The following TMEM254 variants were observed in gnomAD, a reference collection of about 807,000 sequenced individuals.
The protein encoded by TMEM254 is transmembrane protein C10orf57.
Under a neutral mutation model 13.9 loss-of-function variants are expected in TMEM254, and 16 were observed. The observed-to-expected ratio is 1.15, with a 90% CI of 0.78 to 1.75. The LOEUF is 1.75. Among genes scored for constraint, TMEM254 ranks in the 40% most tolerant of loss-of-function variants. TMEM254 has a pLI of 0.00. For missense variants in TMEM254, 155 were observed against 149.0 expected (o/e 1.04, Z -0.21); for synonymous variants, 61 against 56.4 (o/e 1.08, Z -0.36).
chr10:80,085,653 A>AG (rs199662351), intron 3 of TMEM254, among the ~76,000 whole-genome samples: 1,760 of 152,288 alleles, frequency 0.012, 17 homozygotes, highest in Middle Eastern at 0.02. Flanking sequence ...TAGATTAAAA[A>AG]GGGTATCTAG....
chr10:80,081,715 G>T, intron 1 of TMEM254, 126 bp from the exon 2 acceptor site: 1 of 1,608,516 alleles, frequency 6.2e-7, no homozygotes. Context: ...AGACCCAAAT[G>T]ACTGTTCAGA....
rs112862523 is a variant in TMEM254, at chr10:80,085,085, G to C, written c.251+2881G>C. Among the ~76,000 whole-genome samples the C allele has an allele frequency of 4.4e-3, 675 of 152,190 alleles. 9 individuals carry two copies. Among genetic ancestry groups the C allele is most frequent in the African/African-American group, 0.015 (640 of 41,532 alleles). On this transcript the variant is annotated intron_variant, in intron 3 of 3. Transcript: ENST00000372281. Reference sequence around the variant, plus strand: ...TCCGCCCACCTCGGTTTCCCAAAGTGCTGGGATTACAGACGTGAGCCACCG... The same window carrying C: ...TCCGCCCACCTCGGTTTCCCAAAGTCCTGGGATTACAGACGTGAGCCACCG...
Position 80,078,798 on chromosome 10 carries a change from C to T in TMEM254, c.87+12C>T, listed in dbSNP as rs372087539. 1.0e-4 allele frequency: 161 copies of T among 1,590,444 alleles called. No individual in the cohort carries two copies. The highest frequency in any genetic ancestry group is 3.5e-5 in the Admixed American group (2 of 56,942). ...TTGGCTACTACACAGTAAGGACAGC[C>T]GCTGGAGCGCTACGGTCTGACGAAC... On this transcript the variant is annotated intron_variant, in intron 1 of 3. Coordinates refer to ENST00000372281, the MANE Select transcript of TMEM254 (RefSeq NM_025125.4).
intron 1 of TMEM254, 165 bp from the exon 2 acceptor site, chr10:80,081,676 G>T: frequency 7.1e-7 from 1 of 1,416,862 alleles, no homozygotes; most frequent in Non-Finnish European, 9.6e-7. Context: ...AAAAAAAAAA[G>T]AAAGAAAGAA....
In TMEM254 at chr10:80,078,785, CAG is replaced by C; in HGVS notation, c.87_87+1del. The C allele has an allele frequency of 6.2e-7, 1 of 1,600,340 alleles. No individual in the cohort carries two copies. The highest frequency in any genetic ancestry group is 8.5e-7 in the Non-Finnish European group (1 of 1,173,504). On this transcript the variant is annotated splice_donor_variant and coding_sequence_variant, in exon 1 of 4. Transcript: ENST00000372281. LOFTEE classifies it high-confidence loss of function. Reference sequence around the variant, plus strand: ...ATCACCCTCAGCTTTGGCTACTACACAGTAAGGACAGCCGCTGGAGCGCTACG... The same window carrying C: ...ATCACCCTCAGCTTTGGCTACTACACTAAGGACAGCCGCTGGAGCGCTACG...
intron 3 of TMEM254, among the ~76,000 whole-genome samples, chr10:80,088,548 A>G (rs1360688175): frequency 6.6e-6 from 1 of 151,220 alleles, no homozygotes; most frequent in Non-Finnish European, 1.5e-5. Context: ...TTTAATATAT[A>G]TATAATTTTT....
At position 80,078,762 on chromosome 10, in the gene TMEM254, C is replaced by T; in HGVS notation, c.63C>T (p.Ile21=). 1 of 1,608,246 alleles carries T rather than the reference C, an allele frequency of 6.2e-7. No homozygotes were observed. Among genetic ancestry groups the T allele is most frequent in the South Asian group, 1.1e-5 (1 of 90,040 alleles). Residue 21 remains isoleucine (I), a synonymous_variant, in exon 1 of 4, where the codon ATC becomes ATT. Coordinates refer to ENST00000372281, the MANE Select transcript of TMEM254 (RefSeq NM_025125.4). ...GCAGTCTGTTCTGGTTCACAGTCAT[C>T]ACCCTCAGCTTTGGCTACTACACAG... ...QRGSLFWFTV[I]TLSFGYYTWV...
chr10:80,085,187 A>G (rs1844250795), intron 3 of TMEM254, among the ~76,000 whole-genome samples: 1 of 152,074 alleles, frequency 6.6e-6, no homozygotes, highest in Non-Finnish European at 1.5e-5. Flanking sequence ...GGTTACTCTT[A>G]TGTTCTTGAA....
rs149023728 is a variant in TMEM254, at chr10:80,089,957, A to G, written c.252-840A>G. Among the ~76,000 whole-genome samples, 922 of 150,760 alleles carry G rather than the reference A, an allele frequency of 6.1e-3. 17 individuals are homozygous for G. Among genetic ancestry groups the G allele is most frequent in the African/African-American group, 0.021 (878 of 41,014 alleles). On this transcript the variant is annotated intron_variant, in intron 3 of 3. Transcript: ENST00000372281. ...GAGGCAGAGCTTGCAGTGAGTCAAG[A>G]TCGCGCCACTGCACTCCAGCCTGGG... is the stretch of plus-strand genomic sequence containing the variant.
intron 1 of TMEM254, chr10:80,079,041 G>A: frequency 6.7e-7 from 1 of 1,500,202 alleles, no homozygotes; most frequent in South Asian, 1.2e-5. Flanking sequence ...GGCGGGGACG[G>A]CTGGGGAGCT....
At position 80,082,126 on chromosome 10, in the gene TMEM254, A is replaced by C. The variant is rs1844066551; in HGVS notation, c.192-19A>C. ...ATAACTATCACCTTAAAAAAGATTAACCTTTTTTTTGGTTTCAGGTATTGG... is the reference window on the plus strand; with the variant it reads ...ATAACTATCACCTTAAAAAAGATTACCCTTTTTTTTGGTTTCAGGTATTGG... On this transcript the variant is annotated intron_variant, in intron 2 of 3. Coordinates refer to ENST00000372281, the MANE Select transcript of TMEM254 (RefSeq NM_025125.4). The C allele has an allele frequency of 5.6e-6, 9 of 1,613,782 alleles. 1 individual carries two copies. The African/African-American group carries it at 1.2e-4, about 22-fold the overall frequency.
Position 80,078,741 on chromosome 10 carries a change from T to C in TMEM254, c.42T>C (p.Ser14=). ...AAGATYFQRG[S]LFWFTVITLS... is the part of the protein sequence containing the mutation. ...GCGCGACCTACTTTCAGCGAGGCAG[T>C]CTGTTCTGGTTCACAGTCATCACCC... is the stretch of plus-strand genomic sequence containing the variant. Residue 14 remains serine (S), a synonymous_variant, in exon 1 of 4, where the codon AGT becomes AGC. Coordinates refer to ENST00000372281, the MANE Select transcript of TMEM254 (RefSeq NM_025125.4). The C allele has an allele frequency of 1.2e-6, 2 of 1,609,020 alleles. No individual in the cohort carries two copies. The highest frequency in any genetic ancestry group is 1.7e-6 in the Non-Finnish European group (2 of 1,178,190).
At chr10:80,090,693 G>A in intron 3 of TMEM254, 104 bp from the exon 4 acceptor site, 1 of 1,048,860 alleles carries the variant, frequency 9.5e-7, no homozygotes, top group Non-Finnish European at 1.4e-6. Flanking sequence ...CCCAATGAAA[G>A]TAGTGGAAGG....
chr10:80,089,678 T>G, intron 3 of TMEM254, among the ~76,000 whole-genome samples: 1 of 147,814 alleles, frequency 6.8e-6, no homozygotes, highest in African/African-American at 2.5e-5. Flanking sequence ...ACCCCATCTC[T>G]GGGGGGGTTG....
At chr10:80,079,121 C>A in intron 1 of TMEM254, 1 of 1,330,302 alleles carries the variant, frequency 7.5e-7, no homozygotes. Context: ...CGGCTACCGC[C>A]TATTTCCGTC....
At chr10:80,080,708 G>T (rs983431510) in intron 1 of TMEM254, among the ~76,000 whole-genome samples, 4 of 151,860 alleles carry the variant, frequency 2.6e-5, no homozygotes, top group African/African-American at 9.7e-5. Flanking sequence ...GGAGGCCGAG[G>T]CGGGCAAATC....
intron 3 of TMEM254, among the ~76,000 whole-genome samples, chr10:80,084,274 C>A (rs572185090): frequency 6.6e-6 from 1 of 152,014 alleles, no homozygotes; most frequent in Non-Finnish European, 1.5e-5. Flanking sequence ...TCAGACACCC[C>A]CTCCAGCATG....
intron 3 of TMEM254, 51 bp downstream of exon 3, chr10:80,082,255 A>C: frequency 6.3e-7 from 1 of 1,591,506 alleles, no homozygotes; most frequent in Non-Finnish European, 8.6e-7. Flanking sequence ...AGCTAATATA[A>C]ATTGAGAGCA....
At chr10:80,084,291 G>A (rs1055930374) in intron 3 of TMEM254, among the ~76,000 whole-genome samples, 6 of 152,054 alleles carry the variant, frequency 3.9e-5, no homozygotes, top group Middle Eastern at 3.2e-3. Context: ...CATGCCACTT[G>A]CAGTTTCACC....
Sources: allele counts gnomAD v4.1 joint callset (sites outside exome capture counted in the v4.1 genomes callset), GRCh38; gene constraint gnomAD v4.1.1; transcripts MANE v1.5; gene names NCBI Gene and HGNC (gene_info 2026-07-23, HGNC 2026-07-21).